Variants in NEDD9 observed in about 807,000 individuals in gnomAD.
NEDD9 encodes the protein neural precursor cell expressed, developmentally down-regulated 9.
NEDD9 carries 26 observed loss-of-function variants against 76.6 expected under a neutral mutation model. The ratio of observed to expected loss-of-function variants is 0.34; its 90% confidence interval spans 0.25 to 0.47. The LOEUF is 0.47. Ranked by LOEUF, NEDD9 falls within the 20% of genes least tolerant of loss-of-function variation. The pLI is 1.00. For missense variants in NEDD9, 937 were observed against 1,058.5 expected, an observed-to-expected ratio of 0.89 and a Z score of 1.59; for synonymous variants, 392 against 414.2, an observed-to-expected ratio of 0.95 and a Z score of 0.65.
At chr6:11,326,464 T>G (rs955875706) in intron 2 of NEDD9, among the ~76,000 whole-genome samples, 1 of 152,268 alleles carries the variant, frequency 6.6e-6, no homozygotes, top group Admixed American at 6.5e-5. Context: ...TACATTTTCT[T>G]ATGGGAAATA....
At chr6:11,203,271 G>A (rs1758510710) in intron 2 of NEDD9, among the ~76,000 whole-genome samples, 2 of 152,240 alleles carry the variant, frequency 1.3e-5, no homozygotes, top group South Asian at 4.1e-4. Flanking sequence ...AATGTTCTTT[G>A]AAAGAAAACT....
intron 2 of NEDD9, among the ~76,000 whole-genome samples, chr6:11,197,431 CG>C (rs1265083768): frequency 1.3e-5 from 2 of 152,084 alleles, no homozygotes; most frequent in Non-Finnish European, 2.9e-5. Flanking sequence ...CGTGATTACC[CG>C]GCACAGGATT....
intron 6 of NEDD9, among the ~76,000 whole-genome samples, chr6:11,186,455 C>T (rs1489959963): frequency 6.6e-6 from 1 of 151,972 alleles, no homozygotes; most frequent in Non-Finnish European, 1.5e-5. Flanking sequence ...TCTAGGGATT[C>T]CACTAAGACT....
intron 1 of NEDD9, among the ~76,000 whole-genome samples, chr6:11,223,609 G>A (rs1293831583): frequency 6.6e-6 from 1 of 152,202 alleles, no homozygotes; most frequent in Non-Finnish European, 1.5e-5. Context: ...GAACTAAGCT[G>A]AGTCTGTAAT....
intron 2 of NEDD9, among the ~76,000 whole-genome samples, chr6:11,205,729 C>T (rs147144261): frequency 4.6e-4 from 70 of 152,048 alleles, no homozygotes; most frequent in African/African-American, 1.3e-3. Flanking sequence ...CAGGTACAAG[C>T]GATTCTCCTG....
intron 4 of NEDD9, 105 bp from the exon 5 acceptor site, chr6:11,191,310 C>A: frequency 8.2e-7 from 1 of 1,212,162 alleles, no homozygotes; most frequent in East Asian, 2.5e-5. Context: ...CGGTCGCCCT[C>A]CCCCGCCCCA....
In NEDD9 at chr6:11,377,497, G is replaced by C. The variant is rs77903107; in HGVS notation, c.-214+4642C>G. On this transcript the variant is annotated intron_variant, in intron 1 of 3. Transcript: ENST00000397378. ...TTAAGATTTAATGACTACCCTGCTAGGTTTCAGATTTGTGTGGGGCCCCTA... is the reference window on the plus strand; with the variant it reads ...TTAAGATTTAATGACTACCCTGCTACGTTTCAGATTTGTGTGGGGCCCCTA... Among the ~76,000 whole-genome samples, 1,197 of 152,348 alleles carry C rather than the reference G, an allele frequency of 7.9e-3. 12 individuals are homozygous for C. Among genetic ancestry groups the C allele is most frequent in the South Asian group, 0.023 (111 of 4,832 alleles).
intron 1 of NEDD9, among the ~76,000 whole-genome samples, chr6:11,351,337 C>G (rs1290558742): frequency 1.3e-5 from 2 of 152,158 alleles, no homozygotes. Context: ...GAGACTGGAA[C>G]AGTAGGATGG....
intron 1 of NEDD9, among the ~76,000 whole-genome samples, chr6:11,367,488 T>C (rs1218535696): frequency 6.6e-6 from 1 of 152,240 alleles, no homozygotes; most frequent in East Asian, 1.9e-4. Flanking sequence ...AGTCTCCCAA[T>C]GCAGTTTACT....
chr6:11,299,520 T>A (rs1402589038), intron 3 of NEDD9, among the ~76,000 whole-genome samples: 1 of 152,168 alleles, frequency 6.6e-6, no homozygotes, highest in Non-Finnish European at 1.5e-5. Flanking sequence ...CAGCATGGCA[T>A]TTGAGCTCCA....
At chr6:11,356,232 A>G (rs2113543932) in intron 1 of NEDD9, among the ~76,000 whole-genome samples, 1 of 152,240 alleles carries the variant, frequency 6.6e-6, no homozygotes, top group Admixed American at 6.5e-5. Flanking sequence ...TATGGGGCAA[A>G]TGGCTCTTAT....
chr6:11,284,091 G>A (rs1433476871), intron 3 of NEDD9, among the ~76,000 whole-genome samples: 2 of 152,140 alleles, frequency 1.3e-5, no homozygotes, highest in African/African-American at 4.8e-5. Context: ...CAGGGTTTTA[G>A]ACCTCAAGAT....
chr6:11,258,020 G>C (rs144757219), intron 3 of NEDD9, among the ~76,000 whole-genome samples: 12 of 152,238 alleles, frequency 7.9e-5, no homozygotes, highest in South Asian at 4.1e-4. Flanking sequence ...TATCCCCAAA[G>C]AGGCAAAGGC....
chr6:11,352,726 T>C (rs1039287294), intron 1 of NEDD9: 13 of 152,240 alleles, frequency 8.5e-5, no homozygotes, highest in Admixed American at 7.2e-4. Flanking sequence ...GCTGTGAAGA[T>C]CTCAGTTAAT....
At chr6:11,326,855 G>A (rs149060158) in intron 2 of NEDD9, among the ~76,000 whole-genome samples, 42 of 152,300 alleles carry the variant, frequency 2.8e-4, no homozygotes, top group Non-Finnish European at 5.1e-4. Context: ...ATTTATAGTC[G>A]CCCAAACTTT....
intron 3 of NEDD9, among the ~76,000 whole-genome samples, chr6:11,242,936 T>C (rs766237666): frequency 1.3e-5 from 2 of 151,450 alleles, no homozygotes; most frequent in Non-Finnish European, 2.9e-5. Context: ...CAATTGAATC[T>C]ACAAAGAGTC....
intron 2 of NEDD9, chr6:11,201,165 A>C: frequency 8.6e-7 from 1 of 1,162,126 alleles, no homozygotes; most frequent in African/African-American, 1.5e-5. Flanking sequence ...CACCTCCTTA[A>C]TGCAGAGCTG....
chr6:11,208,936 A>G (rs1235404408), intron 2 of NEDD9, among the ~76,000 whole-genome samples: 1 of 152,222 alleles, frequency 6.6e-6, no homozygotes, highest in Non-Finnish European at 1.5e-5. Flanking sequence ...TTTGCTGTTA[A>G]AAATTGAAAA....
intron 1 of NEDD9, among the ~76,000 whole-genome samples, chr6:11,355,003 C>A (rs1339030181): frequency 6.6e-6 from 1 of 152,192 alleles, no homozygotes; most frequent in East Asian, 1.9e-4. Context: ...TTCTGCTACC[C>A]AAGCTGACAT....
Sources: allele counts gnomAD v4.1 joint callset (sites outside exome capture counted in the v4.1 genomes callset), GRCh38; gene constraint gnomAD v4.1.1; transcripts MANE v1.5; gene names NCBI Gene and HGNC (gene_info 2026-07-23, HGNC 2026-07-21).